The following FHIT variants were observed in gnomAD, a reference collection of about 807,000 sequenced individuals.
FHIT encodes the protein bis(5'-adenosyl)-triphosphatase.
Under a neutral mutation model 17.9 loss-of-function variants are expected in FHIT, and 19 were observed. The ratio of observed to expected loss-of-function variants is 1.06; its 90% CI spans 0.74 to 1.56. The LOEUF is 1.56. Among genes scored for constraint, FHIT ranks in the 40% most tolerant of loss-of-function variants. The pLI is 0.00. For synonymous variants in FHIT, 81 were observed against 69.7 expected (o/e 1.16, Z -0.81); for missense variants, 248 against 189.2 (o/e 1.31, Z -1.82).
chr3:59,980,591 T>C (rs991991115), intron 7 of FHIT, among the ~76,000 whole-genome samples: 1 of 152,120 alleles, frequency 6.6e-6, no homozygotes, highest in Non-Finnish European at 1.5e-5. Context: ...GTGTAAGTCA[T>C]CCCAAGTGTG....
intron 2 of FHIT, among the ~76,000 whole-genome samples, chr3:61,122,969 G>C (rs889760102): frequency 2.0e-5 from 3 of 152,134 alleles, no homozygotes; most frequent in Non-Finnish European, 4.4e-5. Context: ...TCTAGAACCA[G>C]AAATACCATC....
intron 5 of FHIT, among the ~76,000 whole-genome samples, chr3:60,436,446 T>A (rs1459245175): frequency 2.6e-5 from 4 of 152,114 alleles, no homozygotes; most frequent in African/African-American, 9.7e-5. Context: ...AGTGTGCCCA[T>A]CATGCCAGCC....
chr3:60,009,772 T>C (rs985074256), intron 7 of FHIT, among the ~76,000 whole-genome samples: 7 of 152,176 alleles, frequency 4.6e-5, no homozygotes, highest in African/African-American at 1.7e-4. Flanking sequence ...AGAACCTGTA[T>C]CCATTAGGAA....
chr3:59,905,051 T>C (rs1249453191), intron 8 of FHIT, among the ~76,000 whole-genome samples: 1 of 152,240 alleles, frequency 6.6e-6, no homozygotes, highest in East Asian at 1.9e-4. Context: ...ATTTAACTTG[T>C]AGCTTGGCTT....
chr3:60,804,084 G>A (rs1701297837), intron 4 of FHIT, among the ~76,000 whole-genome samples: 1 of 152,104 alleles, frequency 6.6e-6, no homozygotes, highest in South Asian at 2.1e-4. Context: ...ACCCCGGAAG[G>A]CAGCGGAGGC....
intron 5 of FHIT, among the ~76,000 whole-genome samples, chr3:60,404,967 T>C (rs1010974787): frequency 6.6e-5 from 10 of 152,196 alleles, no homozygotes; most frequent in Admixed American, 2.0e-4. Context: ...AGAAATCCTA[T>C]AATATATTTT....
chr3:60,138,397 C>A (rs868178927), intron 5 of FHIT, among the ~76,000 whole-genome samples: 15 of 152,150 alleles, frequency 9.9e-5, no homozygotes, highest in African/African-American at 3.6e-4. Flanking sequence ...CATTGTCTCT[C>A]CTCTTTGAGA....
At chr3:60,921,374 G>A (rs1375225157) in intron 3 of FHIT, among the ~76,000 whole-genome samples, 1 of 152,078 alleles carries the variant, frequency 6.6e-6, no homozygotes, top group African/African-American at 2.4e-5. Context: ...AATAAGGCTG[G>A]GTTGATTATC....
intron 5 of FHIT, among the ~76,000 whole-genome samples, chr3:60,491,665 T>G (rs2034073181): frequency 6.6e-6 from 1 of 152,166 alleles, no homozygotes; most frequent in South Asian, 2.1e-4. Flanking sequence ...ACAGCTGGAG[T>G]GCTTTCGTTC....
intron 5 of FHIT, among the ~76,000 whole-genome samples, chr3:60,521,645 G>C (rs1246705651): frequency 6.6e-6 from 1 of 152,138 alleles, no homozygotes; most frequent in Non-Finnish European, 1.5e-5. Context: ...AAGAGCCCAG[G>C]AGGCAGGCAA....
intron 5 of FHIT, among the ~76,000 whole-genome samples, chr3:60,031,472 A>G (rs138984264): frequency 5.1e-4 from 77 of 152,326 alleles, no homozygotes; most frequent in Middle Eastern, 6.8e-3. Context: ...TGACCTGTGG[A>G]GTGACTCAGA....
chr3:60,395,712 TCCC>T (rs960957536), intron 5 of FHIT, among the ~76,000 whole-genome samples: 13 of 152,256 alleles, frequency 8.5e-5, no homozygotes, highest in African/African-American at 3.1e-4. Flanking sequence ...AGAAAGTAAT[TCCC>T]AAGATCAAAT....
intron 8 of FHIT, among the ~76,000 whole-genome samples, chr3:59,768,055 T>G (rs1701889101): frequency 1.3e-5 from 2 of 152,242 alleles, no homozygotes; most frequent in African/African-American, 2.4e-5. Flanking sequence ...TGCTTGAGTC[T>G]TCTGCCATGT....
intron 5 of FHIT, among the ~76,000 whole-genome samples, chr3:60,297,217 C>T (rs986867896): frequency 2.0e-5 from 3 of 152,028 alleles, no homozygotes; most frequent in African/African-American, 7.2e-5. Flanking sequence ...TATTAAAACT[C>T]TGTATCAACT....
intron 5 of FHIT, among the ~76,000 whole-genome samples, chr3:60,073,139 A>C (rs962351339): frequency 6.6e-6 from 1 of 152,180 alleles, no homozygotes; most frequent in Non-Finnish European, 1.5e-5. Context: ...CAAGTGACTG[A>C]TTGTGTTAGC....
chr3:61,172,518 T>A (rs1432948583), intron 2 of FHIT, among the ~76,000 whole-genome samples: 2 of 152,188 alleles, frequency 1.3e-5, no homozygotes, highest in East Asian at 3.8e-4. Context: ...CCACTGTGCA[T>A]CTTTTAACAT....
intron 5 of FHIT, among the ~76,000 whole-genome samples, chr3:60,350,247 C>A (rs1711019664): frequency 6.6e-6 from 1 of 152,032 alleles, no homozygotes; most frequent in African/African-American, 2.4e-5. Flanking sequence ...GTATAGTAAG[C>A]AAGCAGGGAA....
chr3:61,142,859 A>G (rs987180034), intron 2 of FHIT, among the ~76,000 whole-genome samples: 5 of 152,190 alleles, frequency 3.3e-5, no homozygotes, highest in Admixed American at 2.6e-4. Context: ...ACATAGAAAG[A>G]AAGAAAGGGA....
chr3:60,045,490 C>T (rs1701616901), intron 5 of FHIT, among the ~76,000 whole-genome samples: 1 of 152,086 alleles, frequency 6.6e-6, no homozygotes, highest in Non-Finnish European at 1.5e-5. Context: ...AGACCTGCCC[C>T]CATGATTCAA....
Sources: gnomAD v4.1 joint callset for allele counts (sites outside exome capture counted in the v4.1 genomes callset) on GRCh38, gnomAD v4.1.1 for gene constraint, MANE v1.5 for transcripts, NCBI Gene and HGNC (gene_info 2026-07-23, HGNC 2026-07-21) for gene names.